The following TMEM150C variants were observed in gnomAD, a reference collection of about 807,000 sequenced individuals.
TMEM150C encodes transmembrane protein 150C, also known as tentonin 3.
Under a neutral mutation model 29.9 loss-of-function variants are expected in TMEM150C, and 10 were observed. That is an observed-to-expected ratio of 0.33 (90% confidence interval 0.21 to 0.57). The LOEUF is 0.57. Ranked by LOEUF, TMEM150C falls within the 20% of genes least tolerant of loss-of-function variation. The pLI, the probability that TMEM150C is intolerant of heterozygous loss-of-function variation, is 0.88. For synonymous variants in TMEM150C, 101 were observed against 112.5 expected (o/e 0.90, Z 0.64); for missense variants, 251 against 303.6 (o/e 0.83, Z 1.29).
chr4:82,538,100 C>T (rs139336234), intron 1 of TMEM150C, among the ~76,000 whole-genome samples: 3,646 of 152,140 alleles, frequency 0.024, 139 homozygotes, highest in African/African-American at 0.083. Context: ...GCTCTGTCAC[C>T]CAGGTTGGTG....
chr4:82,518,823 G>C (rs572507661), intron 1 of TMEM150C, among the ~76,000 whole-genome samples: 9 of 152,118 alleles, frequency 5.9e-5, no homozygotes, highest in Non-Finnish European at 8.8e-5. Context: ...GTACTTGGTA[G>C]AGTACAAAAA....
chr4:82,549,206 C>G (rs1310281724), intron 1 of TMEM150C, among the ~76,000 whole-genome samples: 3 of 151,928 alleles, frequency 2.0e-5, no homozygotes, highest in Non-Finnish European at 4.4e-5. Flanking sequence ...CTTACATATA[C>G]TAACAAAAAT....
chr4:82,557,857 T>G (rs1038134585), intron 1 of TMEM150C, among the ~76,000 whole-genome samples: 1 of 149,844 alleles, frequency 6.7e-6, no homozygotes, highest in Non-Finnish European at 1.5e-5. Context: ...TGTCTCACCC[T>G]CCCTGGGATT....
intron 1 of TMEM150C, among the ~76,000 whole-genome samples, chr4:82,533,991 A>C (rs931604486): frequency 6.6e-6 from 1 of 152,164 alleles, no homozygotes; most frequent in Non-Finnish European, 1.5e-5. Flanking sequence ...TCCCCTTTGA[A>C]ATCTTGGTTT....
At chr4:82,491,494 T>G in intron 6 of TMEM150C, 1 of 678,252 alleles carries the variant, frequency 1.5e-6, no homozygotes, top group African/African-American at 1.8e-5. Context: ...AGGTCACTTT[T>G]GGGCTGGATG....
chr4:82,530,744 TAAAGA>T (rs1250490045), intron 1 of TMEM150C, among the ~76,000 whole-genome samples: 1 of 152,264 alleles, frequency 6.6e-6, no homozygotes, highest in Admixed American at 6.5e-5. Context: ...GAGTAATTTA[TAAAGA>T]AAAGAGGTTT....
chr4:82,522,016 C>T (rs1724504216), intron 1 of TMEM150C, among the ~76,000 whole-genome samples: 1 of 152,056 alleles, frequency 6.6e-6, no homozygotes, highest in South Asian at 2.1e-4. Context: ...TGAGCCATTA[C>T]TGCACCACTG....
chr4:82,539,600 C>T (rs1038759653), intron 1 of TMEM150C, among the ~76,000 whole-genome samples: 2 of 151,996 alleles, frequency 1.3e-5, no homozygotes, highest in Non-Finnish European at 2.9e-5. Context: ...CTACAGGCGC[C>T]CGCCACCACG....
chr4:82,523,518 G>T (rs1403357356), intron 1 of TMEM150C, among the ~76,000 whole-genome samples: 1 of 152,140 alleles, frequency 6.6e-6, no homozygotes, highest in Non-Finnish European at 1.5e-5. Flanking sequence ...TGCAGGAATC[G>T]CCATTTTGGG....
Position 82,490,775 on chromosome 4 carries a change from G to T in TMEM150C, c.364-537C>A, listed in dbSNP as rs1217344515. Reference sequence around the variant, plus strand: ...ATTTGTTTGTTTTGAAGGAAAATTTGTATTACTTTAATTGTTTTTTAAGTA... The same window carrying T: ...ATTTGTTTGTTTTGAAGGAAAATTTTTATTACTTTAATTGTTTTTTAAGTA... On this transcript the variant is annotated intron_variant, in intron 6 of 7. Transcript: ENST00000449862. 5 of 399,616 alleles carry T rather than the reference G, an allele frequency of 1.3e-5. No individual in the cohort carries two copies. The Admixed American group carries it at 1.4e-4, about 11-fold the overall frequency. The allele number at this position is 399,616 out of a possible 1,614,324, so 24.8% of individuals were successfully genotyped here. A position where few individuals can be genotyped will look rare whatever the true frequency, so the allele number is the denominator to read the frequency against.
At chr4:82,561,475 G>A (rs1725923588) in intron 1 of TMEM150C, among the ~76,000 whole-genome samples, 1 of 152,124 alleles carries the variant, frequency 6.6e-6, no homozygotes, top group Admixed American at 6.5e-5. Flanking sequence ...GGTCAAACTT[G>A]GGGTCGCTTC....
chr4:82,550,489 T>G (rs147475364), intron 1 of TMEM150C, among the ~76,000 whole-genome samples: 1,944 of 151,882 alleles, frequency 0.013, 34 homozygotes, highest in African/African-American at 0.045. Context: ...AAAAATAGAT[T>G]GAGGAGTAGG....
In TMEM150C at chr4:82,536,734, G is replaced by T. The variant is rs558209623; in HGVS notation, c.-11+25172C>A. Among the ~76,000 whole-genome samples, 307 of 152,052 alleles carry T rather than the reference G, an allele frequency of 2.0e-3. 3 individuals carry two copies. Among genetic ancestry groups the T allele is most frequent in the African/African-American group, 7.2e-3 (298 of 41,484 alleles). On this transcript the variant is annotated intron_variant, in intron 1 of 7. Transcript: ENST00000449862. Reference sequence around the variant, plus strand: ...AAAAACAAAAAAAAAATGAAATATTGATATGTTTGACCACAGAAGGCTAAA... The same window carrying T: ...AAAAACAAAAAAAAAATGAAATATTTATATGTTTGACCACAGAAGGCTAAA...
intron 1 of TMEM150C, 84 bp downstream of exon 1, chr4:82,561,822 C>T: frequency 1.1e-6 from 1 of 937,502 alleles, no homozygotes; most frequent in African/African-American, 1.8e-5. Context: ...CCCCGGTCTC[C>T]GCCTGCGGGC....
intron 6 of TMEM150C, chr4:82,495,590 C>T (rs980934972): frequency 5.7e-6 from 2 of 350,652 alleles, no homozygotes; most frequent in Non-Finnish European, 1.1e-5. Context: ...AGTGCAACCA[C>T]GAACTAATTT....
intron 1 of TMEM150C, among the ~76,000 whole-genome samples, chr4:82,538,463 A>C (rs1725084476): frequency 6.6e-6 from 1 of 152,258 alleles, no homozygotes; most frequent in Admixed American, 6.5e-5. Flanking sequence ...GCAGTCATTC[A>C]GATATGTTTT....
rs869112887 is a variant in TMEM150C at position 82,507,727 on chromosome 4, C to CTTTTTTTTTTTTTTTTTTTT, written c.-10-3080_-10-3061dup. On this transcript the variant is annotated intron_variant, in intron 1 of 7. Coordinates refer to ENST00000449862, the MANE Select transcript of TMEM150C (RefSeq NM_001080506.3). ...TTAAATTAACTCTCTCTCTCTCTCT[C>CTTTTTTTTTTTTTTTTTTTT]TTTTTTTTTTTTTTTTTTTTTTTTT... is the stretch of plus-strand genomic sequence containing the variant. Among the ~76,000 whole-genome samples, 8 of 20,592 alleles carry CTTTTTTTTTTTTTTTTTTTT rather than the reference C, an allele frequency of 3.9e-4. 1 individual carries two copies. Among genetic ancestry groups the CTTTTTTTTTTTTTTTTTTTT allele is most frequent in the African/African-American group, 9.3e-4 (3 of 3,232 alleles). The allele number at this position is 20,592 out of a possible 152,430, so 13.5% of individuals were successfully genotyped here.
intron 1 of TMEM150C, among the ~76,000 whole-genome samples, chr4:82,552,542 C>T (rs1388676607): frequency 6.6e-6 from 1 of 152,160 alleles, no homozygotes; most frequent in Non-Finnish European, 1.5e-5. Flanking sequence ...ATAAGCTTGC[C>T]TGTGATGACC....
intron 1 of TMEM150C, among the ~76,000 whole-genome samples, chr4:82,535,062 G>C (rs1018538347): frequency 2.0e-5 from 3 of 152,150 alleles, no homozygotes; most frequent in African/African-American, 7.2e-5. Flanking sequence ...GAGAACTGCT[G>C]CATCTTTTTC....
Sources: allele counts gnomAD v4.1 joint callset (sites outside exome capture counted in the v4.1 genomes callset), GRCh38; gene constraint gnomAD v4.1.1; transcripts MANE v1.5; gene names NCBI Gene and HGNC (gene_info 2026-07-23, HGNC 2026-07-21).